The following KCNMA1 variants were observed in gnomAD, a reference collection of about 807,000 sequenced individuals.
KCNMA1 encodes the protein Calcium-activated potassium channel subunit alpha-1.
Under a neutral mutation model 140.0 loss-of-function variants are expected in KCNMA1, and 29 were observed. The observed-to-expected ratio is 0.21, with a 90% CI of 0.15 to 0.28. The LOEUF is 0.28. Among genes scored for constraint, KCNMA1 ranks in the 10% least tolerant of loss-of-function variants. KCNMA1 has a pLI of 1.00. For missense variants in KCNMA1, 880 were observed against 1,602.2 expected (o/e 0.55, Z 7.70); for synonymous variants, 612 against 611.9 (o/e 1.00, Z 0.00).
chr10:77,222,251 A>G (rs937322870), intron 3 of KCNMA1, among the ~76,000 whole-genome samples: 2 of 152,234 alleles, frequency 1.3e-5, no homozygotes, highest in East Asian at 3.8e-4. Context: ...TGGGAAATCC[A>G]TAAGAATCAG....
intron 25 of KCNMA1, among the ~76,000 whole-genome samples, chr10:76,908,397 T>C (rs144774445): frequency 6.6e-6 from 1 of 152,356 alleles, no homozygotes; most frequent in East Asian, 1.9e-4. Context: ...AGCCATGGCA[T>C]GGCATGAAGC....
At chr10:77,458,201 G>A (rs75446700) in intron 1 of KCNMA1, among the ~76,000 whole-genome samples, 7,342 of 152,310 alleles carry the variant, frequency 0.048, 423 homozygotes, top group African/African-American at 0.13. Context: ...TGCAGCCAGG[G>A]CACTGTGCCC....
At chr10:77,579,502 A>T (rs2075236796) in intron 1 of KCNMA1, among the ~76,000 whole-genome samples, 1 of 152,228 alleles carries the variant, frequency 6.6e-6, no homozygotes. Context: ...GAATCTGAAT[A>T]TCTTATCATG....
At chr10:76,983,338 T>G (rs1036624866) in intron 19 of KCNMA1, among the ~76,000 whole-genome samples, 1 of 152,190 alleles carries the variant, frequency 6.6e-6, no homozygotes, top group African/African-American at 2.4e-5. Context: ...TAGCGCAGTA[T>G]GCCTGAGAAA....
chr10:77,130,630 T>C (rs959232915), intron 5 of KCNMA1, among the ~76,000 whole-genome samples: 3 of 152,148 alleles, frequency 2.0e-5, no homozygotes, highest in African/African-American at 7.2e-5. Context: ...CAATGGTTTA[T>C]GTCTGCCCCC....
chr10:77,525,391 C>T (rs1254066454), intron 1 of KCNMA1, among the ~76,000 whole-genome samples: 1 of 152,184 alleles, frequency 6.6e-6, no homozygotes, highest in Non-Finnish European at 1.5e-5. Context: ...TTCTCATAAC[C>T]ACCCAGAAAG....
At chr10:77,223,118 A>G (rs1365404445) in intron 3 of KCNMA1, among the ~76,000 whole-genome samples, 1 of 151,640 alleles carries the variant, frequency 6.6e-6, no homozygotes, top group African/African-American at 2.4e-5. Flanking sequence ...AGTCCCAGCT[A>G]CTCGGGAGGC....
At chr10:77,219,041 T>G (rs561823474) in intron 3 of KCNMA1, among the ~76,000 whole-genome samples, 23 of 152,258 alleles carry the variant, frequency 1.5e-4, no homozygotes, top group South Asian at 1.0e-3. Flanking sequence ...TTCTTTCAGA[T>G]CCTCTGTTCT....
chr10:77,257,159 A>C (rs952883297), intron 2 of KCNMA1, among the ~76,000 whole-genome samples: 6 of 152,214 alleles, frequency 3.9e-5, no homozygotes, highest in Admixed American at 6.5e-5. Flanking sequence ...AAGGCAAAAC[A>C]ATCTGGTGAC....
At chr10:77,449,736 G>A (rs1005854099) in intron 1 of KCNMA1, among the ~76,000 whole-genome samples, 59 of 149,966 alleles carry the variant, frequency 3.9e-4, no homozygotes, top group African/African-American at 1.3e-3. Context: ...TCCACCTCCC[G>A]GGTTCACACC....
chr10:76,878,020 T>C (rs2032807300), intron 29 of KCNMA1: 4 of 857,684 alleles, frequency 4.7e-6, no homozygotes, highest in East Asian at 2.7e-5. Flanking sequence ...CAGTGAGTAA[T>C]TGCTAAGAGA....
intron 1 of KCNMA1, among the ~76,000 whole-genome samples, chr10:77,464,288 G>A (rs956796885): frequency 6.6e-6 from 1 of 152,082 alleles, no homozygotes; most frequent in Non-Finnish European, 1.5e-5. Context: ...TCGGAAGCAT[G>A]GGAGGGCCTT....
chr10:77,174,344 G>T (rs1453714822), intron 5 of KCNMA1, among the ~76,000 whole-genome samples: 5 of 152,166 alleles, frequency 3.3e-5, no homozygotes, highest in Non-Finnish European at 7.3e-5. Context: ...AAAAACATTT[G>T]CTAAGCTTCC....
At chr10:77,286,469 C>T (rs7071666) in intron 2 of KCNMA1, among the ~76,000 whole-genome samples, 10 of 152,194 alleles carry the variant, frequency 6.6e-5, no homozygotes, top group African/African-American at 4.8e-5. Flanking sequence ...CCTAAAATTA[C>T]GCCATATGCC....
Position 77,039,411 on chromosome 10 carries a change from T to C in KCNMA1, c.1859+117A>G, listed in dbSNP as rs186952782. 113 of 730,250 alleles carry C rather than the reference T, an allele frequency of 1.5e-4. 2 individuals carry two copies. The East Asian group carries it at 3.0e-3, about 19-fold the overall frequency. The allele number at this position is 730,250 out of a possible 1,614,324, so 45.2% of individuals were successfully genotyped here. ...ATCACATGGGGCCGAGCACACGGGATACCCTCGGCAATTGTCAAGTGCTCC... is the reference window on the plus strand; with the variant it reads ...ATCACATGGGGCCGAGCACACGGGACACCCTCGGCAATTGTCAAGTGCTCC... On this transcript the variant is annotated intron_variant, in intron 15 of 27. Transcript: ENST00000286628.
intron 1 of KCNMA1, among the ~76,000 whole-genome samples, chr10:77,609,121 T>TA (rs1308623065): frequency 6.6e-6 from 1 of 152,238 alleles, no homozygotes; most frequent in Non-Finnish European, 1.5e-5. Flanking sequence ...ATGAAATCAG[T>TA]ACGTCAAAGA....
intron 1 of KCNMA1, among the ~76,000 whole-genome samples, chr10:77,579,610 C>T (rs776308861): frequency 6.6e-6 from 1 of 151,932 alleles, no homozygotes; most frequent in Admixed American, 6.6e-5. Context: ...AAGAAGTGGC[C>T]GGTAGACTCC....
chr10:76,944,952 C>G lies in KCNMA1; in HGVS notation c.2723G>C (p.Ser908Thr). ...GTTGACAGCCCTTAAATCAGCCCGACTTAATGGCGTACCCTTTGGCATAGA... is the reference window on the plus strand; with the variant it reads ...GTTGACAGCCCTTAAATCAGCCCGAGTTAATGGCGTACCCTTTGGCATAGA... ...KVSILPGTPL[S>T]RADLRAVNIN... The change falls in exon 23 of 28, where the codon AGT becomes ACT. Residue 908 changes from serine (S) to threonine (T), a missense_variant. By Grantham distance (58) the Ser-to-Thr change is moderately conservative. Coordinates refer to ENST00000286628, the MANE Select transcript of KCNMA1 (RefSeq NM_001161352.2). 1 of 1,613,338 alleles carries G rather than the reference C, an allele frequency of 6.2e-7. No individual in the cohort carries two copies. The highest frequency in any genetic ancestry group is 1.1e-5 in the South Asian group (1 of 91,042).
At chr10:76,949,046 C>T (rs760072703) in intron 22 of KCNMA1, 96 bp downstream of exon 22, 3 of 1,016,188 alleles carry the variant, frequency 3.0e-6, no homozygotes, top group Non-Finnish European at 4.7e-6. Context: ...TGAAGAAGCA[C>T]AGGCATGATC....
Sources: gnomAD v4.1 joint callset for allele counts (sites outside exome capture counted in the v4.1 genomes callset) on GRCh38, gnomAD v4.1.1 for gene constraint, MANE v1.5 for transcripts, NCBI Gene and HGNC (gene_info 2026-07-23, HGNC 2026-07-21) for gene names.